CTNNA3: variants seen among roughly 807,000 people sequenced by gnomAD.
CTNNA3 encodes the protein catenin alpha-3.
In CTNNA3, 76 loss-of-function variants were observed where a neutral mutation model predicts 95.7. The ratio of observed to expected loss-of-function variants is 0.79; its 90% CI spans 0.66 to 0.96. The LOEUF (loss-of-function observed/expected upper bound fraction) is 0.96, where lower values mean the gene tolerates loss of function less well. CTNNA3 is among the 40% of genes least tolerant of loss of function. The probability of loss-of-function intolerance (pLI) is 0.00; values close to 1 mark genes in which losing one functional copy is unlikely to be tolerated. For synonymous variants in CTNNA3, 431 were observed against 374.4 expected, an observed-to-expected ratio of 1.15 and a Z score of -1.74; for missense variants, 1,191 against 1,089.8, an observed-to-expected ratio of 1.09 and a Z score of -1.31.
intron 14 of CTNNA3, among the ~76,000 whole-genome samples, chr10:66,092,203 A>G (rs2081238678): frequency 6.6e-6 from 1 of 151,838 alleles, no homozygotes; most frequent in Admixed American, 6.6e-5. Context: ...CAACCTCCCC[A>G]TTTCTAAAAT....
At chr10:66,166,712 A>C (rs1184652371) in intron 13 of CTNNA3, among the ~76,000 whole-genome samples, 1 of 152,160 alleles carries the variant, frequency 6.6e-6, no homozygotes, top group Non-Finnish European at 1.5e-5. Flanking sequence ...AACATGAAAC[A>C]ACTAGAGAAG....
intron 7 of CTNNA3, among the ~76,000 whole-genome samples, chr10:67,129,066 C>A (rs1038333958): frequency 1.3e-4 from 20 of 152,322 alleles, no homozygotes; most frequent in Admixed American, 3.9e-4. Flanking sequence ...AGACTGCTCA[C>A]TCATTTGAAA....
At chr10:66,672,262 A>C (rs1365393188) in intron 9 of CTNNA3, among the ~76,000 whole-genome samples, 1 of 152,152 alleles carries the variant, frequency 6.6e-6, no homozygotes, top group Non-Finnish European at 1.5e-5. Context: ...AAAAATAGTG[A>C]GTACCTAACA....
chr10:66,580,254 T>A (rs2659990), intron 10 of CTNNA3, among the ~76,000 whole-genome samples: 4 of 151,234 alleles, frequency 2.6e-5, no homozygotes, highest in Non-Finnish European at 4.4e-5. Flanking sequence ...TCTCCTTTGG[T>A]GACATTCTTC....
chr10:66,520,169 C>A (rs1375961299), intron 11 of CTNNA3, among the ~76,000 whole-genome samples: 1 of 149,618 alleles, frequency 6.7e-6, no homozygotes, highest in Non-Finnish European at 1.5e-5. Context: ...TAATACATAG[C>A]AACATATTGC....
At chr10:66,364,134 C>T (rs547483667) in intron 12 of CTNNA3, among the ~76,000 whole-genome samples, 3 of 151,444 alleles carry the variant, frequency 2.0e-5, no homozygotes, top group Admixed American at 6.6e-5. Flanking sequence ...ACTTCTCTTT[C>T]TTTTGACAAA....
At chr10:67,270,427 C>CA (rs1483565557) in intron 5 of CTNNA3, among the ~76,000 whole-genome samples, 2 of 152,074 alleles carry the variant, frequency 1.3e-5, no homozygotes, top group Non-Finnish European at 2.9e-5. Flanking sequence ...TAAAATTCTA[C>CA]AAAAGGAAAC....
rs115996619 is a variant in CTNNA3, at chr10:67,623,801, G to C, written c.100-16752C>G. The stretch of plus-strand genomic sequence containing the variant: ...CCAGAGAATTTCACCCCAAAATATG[G>C]TACCCTGGTATGTTTATTATTATTA... On this transcript the variant is annotated intron_variant, in intron 2 of 17. Coordinates refer to ENST00000433211, the MANE Select transcript of CTNNA3 (RefSeq NM_013266.4). 2.5e-3 allele frequency among the ~76,000 whole-genome samples: 384 copies of C among 152,060 alleles called. 2 individuals are homozygous for C. Among genetic ancestry groups the C allele is most frequent in the African/African-American group, 8.8e-3 (365 of 41,472 alleles).
chr10:66,566,487 A>C (rs2132149684), intron 10 of CTNNA3, among the ~76,000 whole-genome samples: 1 of 152,370 alleles, frequency 6.6e-6, no homozygotes, highest in Non-Finnish European at 1.5e-5. Context: ...TCACGTCTGA[A>C]GTATTCAAAC....
intron 5 of CTNNA3, among the ~76,000 whole-genome samples, chr10:67,465,419 G>A (rs1469439630): frequency 2.0e-5 from 3 of 151,972 alleles, no homozygotes; most frequent in Non-Finnish European, 4.4e-5. Context: ...GACGAGGAAA[G>A]GAAAGGAAAA....
chr10:65,956,781 A>G (rs887746429), intron 17 of CTNNA3, among the ~76,000 whole-genome samples: 2 of 152,114 alleles, frequency 1.3e-5, no homozygotes, highest in African/African-American at 4.8e-5. Context: ...GTTCTTTTAC[A>G]TTTGCTGAGG....
intron 11 of CTNNA3, among the ~76,000 whole-genome samples, chr10:66,423,190 C>T (rs35751604): frequency 0.17 from 26,169 of 151,940 alleles, 2,964 homozygotes; most frequent in South Asian, 0.3. Flanking sequence ...CTTTAAAATA[C>T]GCTGTCAGAT....
In CTNNA3 at chr10:66,211,983, GTTTTT is replaced by G. The variant is rs61453326; in HGVS notation, c.1884+68482_1884+68486del. Among the ~76,000 whole-genome samples the G allele has an allele frequency of 6.4e-3, 606 of 95,018 alleles. 3 individuals carry two copies. Among genetic ancestry groups the G allele is most frequent in the African/African-American group, 0.025 (555 of 22,492 alleles). 62.3% of individuals were successfully genotyped at this position (95,018 alleles called of 152,430 possible). A position where few individuals can be genotyped will look rare whatever the true frequency, so the allele number is the denominator to read the frequency against. ...CAGTCATAGCAACTATTGTTTTTGG[GTTTTT>G]TTTTTTTTTTTTTTTTTTTGAGACA... On this transcript the variant is annotated intron_variant, in intron 13 of 17. Coordinates refer to ENST00000433211, the MANE Select transcript of CTNNA3 (RefSeq NM_013266.4).
In CTNNA3 at chr10:67,236,924, C is replaced by A. The variant is rs193157245; in HGVS notation, c.580-17054G>T. Among the ~76,000 whole-genome samples the A allele has an allele frequency of 8.1e-3, 1,218 of 151,020 alleles. 10 individuals carry two copies. The highest frequency in any genetic ancestry group is 0.023 in the African/African-American group (966 of 41,336). On this transcript the variant is annotated intron_variant, in intron 5 of 17. Coordinates refer to ENST00000433211, the MANE Select transcript of CTNNA3 (RefSeq NM_013266.4). Reference sequence around the variant, plus strand: ...AGCCACTATGGAAAACAGGGTGGATCTTACTTAAAGAGCTAAAGGTAGAAC... The same window carrying A: ...AGCCACTATGGAAAACAGGGTGGATATTACTTAAAGAGCTAAAGGTAGAAC...
chr10:66,334,973 A>C (rs2092378030), intron 12 of CTNNA3, among the ~76,000 whole-genome samples: 1 of 151,830 alleles, frequency 6.6e-6, no homozygotes, highest in Non-Finnish European at 1.5e-5. Flanking sequence ...GCTTCATTTT[A>C]TTCATTTGAT....
chr10:67,675,733 G>C (rs1840522915), intron 1 of CTNNA3, among the ~76,000 whole-genome samples: 1 of 152,146 alleles, frequency 6.6e-6, no homozygotes, highest in Non-Finnish European at 1.5e-5. Flanking sequence ...AAAGGGGATG[G>C]ATATAGGGAG....
intron 1 of CTNNA3, among the ~76,000 whole-genome samples, chr10:67,727,624 GTCTAT>G (rs1841244988): frequency 8.1e-6 from 1 of 122,728 alleles, no homozygotes; most frequent in East Asian, 2.2e-4. Context: ...GCAATATATG[GTCTAT>G]TATATATTAT....
intron 10 of CTNNA3, among the ~76,000 whole-genome samples, chr10:66,547,218 C>T (rs762896188): frequency 6.6e-6 from 1 of 151,920 alleles, no homozygotes; most frequent in Non-Finnish European, 1.5e-5. Flanking sequence ...TAACAAAACA[C>T]GTCACACGAC....
intron 17 of CTNNA3, among the ~76,000 whole-genome samples, chr10:65,943,266 A>G (rs996136125): frequency 4.6e-5 from 7 of 151,974 alleles, no homozygotes; most frequent in African/African-American, 1.7e-4. Flanking sequence ...GAGTTTCACC[A>G]TGTTAGCCAG....
Sources: gnomAD v4.1 joint callset for allele counts (sites outside exome capture counted in the v4.1 genomes callset) on GRCh38, gnomAD v4.1.1 for gene constraint, MANE v1.5 for transcripts, NCBI Gene and HGNC (gene_info 2026-07-23, HGNC 2026-07-21) for gene names.